TM9SF2: variants seen among roughly 807,000 people sequenced by gnomAD.
TM9SF2 encodes 76 kDa membrane protein.
Under a neutral mutation model 84.9 loss-of-function variants are expected in TM9SF2, and 13 were observed. That is an observed-to-expected ratio of 0.15 (90% CI 0.10 to 0.24). The LOEUF is 0.24. Ranked by LOEUF, TM9SF2 falls within the 10% of genes least tolerant of loss-of-function variation. TM9SF2 has a pLI of 1.00. For synonymous variants in TM9SF2, 273 were observed against 285.8 expected (o/e 0.96, Z 0.45); for missense variants, 562 against 818.5 (o/e 0.69, Z 3.82).
At chr13:99,531,878 CTTATTG>C (rs2046211520) in intron 4 of TM9SF2, among the ~76,000 whole-genome samples, 1 of 152,026 alleles carries the variant, frequency 6.6e-6, no homozygotes, top group Admixed American at 6.5e-5. Context: ...GATATGTTTA[CTTATTG>C]TTAAGTAATT....
At chr13:99,505,778 G>A (rs2046086339) in intron 1 of TM9SF2, among the ~76,000 whole-genome samples, 1 of 152,194 alleles carries the variant, frequency 6.6e-6, no homozygotes, top group Non-Finnish European at 1.5e-5. Flanking sequence ...AGTGTGCCGA[G>A]TGGCATTCTG....
chr13:99,529,361 C>A, intron 3 of TM9SF2, 106 bp from the exon 4 acceptor site: 2 of 954,320 alleles, frequency 2.1e-6, no homozygotes, highest in East Asian at 3.0e-5. Flanking sequence ...AATATTAATG[C>A]ACTTAAGTAA....
At chr13:99,552,417 G>A (rs1163422923) in intron 13 of TM9SF2, 91 bp downstream of exon 13, 1 of 1,269,200 alleles carries the variant, frequency 7.9e-7, no homozygotes, top group Non-Finnish European at 1.1e-6. Context: ...AGTGTGTAAA[G>A]ATGTAAACTT....
At chr13:99,540,885 T>C in intron 8 of TM9SF2, 92 bp downstream of exon 8, 3 of 1,165,918 alleles carry the variant, frequency 2.6e-6, no homozygotes, top group Non-Finnish European at 3.7e-6. Flanking sequence ...CTCTCTACTT[T>C]ATTCAAAAGT....
intron 1 of TM9SF2, among the ~76,000 whole-genome samples, chr13:99,517,120 T>TA (rs1555339638): frequency 1.3e-5 from 2 of 152,116 alleles, no homozygotes; most frequent in Non-Finnish European, 2.9e-5. Flanking sequence ...ATTAATTATT[T>TA]AAAAAAATTT....
rs1266729597 is a variant in TM9SF2, at chr13:99,550,297, C to G, written c.1328+1075C>G. Among the ~76,000 whole-genome samples the G allele has an allele frequency of 2.6e-5, 4 of 152,098 alleles. No homozygotes were observed. The South Asian group carries it at 8.3e-4, about 32-fold the overall frequency. ...AATGCCTTGAAAAAAATAGTCTCTA[C>G]TCCTTTCTTCTCATTTTCTCAGTAA... is the stretch of plus-strand genomic sequence containing the variant. On this transcript the variant is annotated intron_variant, in intron 12 of 16. Coordinates refer to ENST00000376387, the MANE Select transcript of TM9SF2 (RefSeq NM_004800.3).
intron 1 of TM9SF2, among the ~76,000 whole-genome samples, chr13:99,505,376 C>T (rs2046084712): frequency 6.6e-6 from 1 of 152,204 alleles, no homozygotes; most frequent in East Asian, 1.9e-4. Context: ...TTGTCTCGAA[C>T]TCCTGAGCTC....
At chr13:99,552,779 T>A (rs936102652) in intron 13 of TM9SF2, among the ~76,000 whole-genome samples, 2 of 152,200 alleles carry the variant, frequency 1.3e-5, no homozygotes, top group Non-Finnish European at 2.9e-5. Flanking sequence ...AATTTTTGTA[T>A]TTTTAGTGGA....
intron 16 of TM9SF2, 135 bp from the exon 17 acceptor site, chr13:99,562,556 G>GTAGTATA: frequency 1.4e-6 from 1 of 696,850 alleles, no homozygotes; most frequent in African/African-American, 1.8e-5. Context: ...TCATAGATCT[G>GTAGTATA]TAGTATATTC....
intron 4 of TM9SF2, among the ~76,000 whole-genome samples, chr13:99,529,872 C>T (rs1400773782): frequency 6.6e-6 from 1 of 152,086 alleles, no homozygotes; most frequent in Non-Finnish European, 1.5e-5. Context: ...TATTCACATA[C>T]AGGCATACCT....
At chr13:99,519,883 G>A (rs1249832233) in intron 2 of TM9SF2, among the ~76,000 whole-genome samples, 153 bp from the exon 3 acceptor site, 1 of 152,168 alleles carries the variant, frequency 6.6e-6, no homozygotes, top group Non-Finnish European at 1.5e-5. Context: ...GAGGAGAGAT[G>A]TGGTACATAG....
At chr13:99,534,507 A>C (rs910944990) in intron 4 of TM9SF2, among the ~76,000 whole-genome samples, 1 of 152,252 alleles carries the variant, frequency 6.6e-6, no homozygotes, top group African/African-American at 2.4e-5. Context: ...AAAAATGCCA[A>C]CTTGTTAAAT....
chr13:99,554,349 C>T lies in TM9SF2; in HGVS notation c.1534C>T (p.Pro512Ser). Reference sequence around the variant, plus strand: ...AACCAATCAGATTCCACGTCAGATTCCTGAACAGTCGTTCTACACGAAGCC... The same window carrying T: ...AACCAATCAGATTCCACGTCAGATTTCTGAACAGTCGTTCTACACGAAGCC... ...VRTNQIPRQI[P>S]EQSFYTKPLP... Residue 512 changes from proline (P) to serine (S), a missense_variant, in exon 14 of 17, where the codon CCT (proline) becomes TCT (serine). This residue lies in a region of TM9SF2 where 219 missense variants were observed against 338.1 expected (regional missense o/e 0.65). Coordinates refer to ENST00000376387, the MANE Select transcript of TM9SF2 (RefSeq NM_004800.3). 1 of 1,614,064 alleles carries T rather than the reference C, an allele frequency of 6.2e-7. No individual in the cohort carries two copies. The highest frequency in any genetic ancestry group is 1.3e-5 in the African/African-American group (1 of 75,008).
At chr13:99,530,862 A>ATTT (rs879431434) in intron 4 of TM9SF2, among the ~76,000 whole-genome samples, 1 of 144,960 alleles carries the variant, frequency 6.9e-6, no homozygotes, top group Non-Finnish European at 1.5e-5. Flanking sequence ...CAAACATAGA[A>ATTT]TTTTTTTTTT....
intron 13 of TM9SF2, among the ~76,000 whole-genome samples, chr13:99,553,212 C>T (rs2046312902): frequency 6.6e-6 from 1 of 152,228 alleles, no homozygotes; most frequent in Admixed American, 6.5e-5. Context: ...CTGAAAATAT[C>T]AAGTCCACAG....
At chr13:99,511,176 G>C (rs571589553) in intron 1 of TM9SF2, among the ~76,000 whole-genome samples, 1 of 152,190 alleles carries the variant, frequency 6.6e-6, no homozygotes, top group South Asian at 2.1e-4. Context: ...AATTGTGACA[G>C]TTTTCAAAAT....
intron 4 of TM9SF2, among the ~76,000 whole-genome samples, chr13:99,535,720 A>G (rs957454852): frequency 6.6e-6 from 1 of 152,226 alleles, no homozygotes; most frequent in Admixed American, 6.5e-5. Flanking sequence ...TAATTAACAA[A>G]TAAAACATGC....
Position 99,547,103 on chromosome 13 carries a change from G to A in TM9SF2, c.1269G>A (p.Lys423=). Residue 423 remains lysine (K), a splice_region_variant and synonymous_variant, in exon 11 of 17, where the codon AAG becomes AAA. Coordinates refer to ENST00000376387, the MANE Select transcript of TM9SF2 (RefSeq NM_004800.3). ...GCTATGTTGCTGCCAGATTCTATAA[G>A]TGTAAGTCAAAGCCACTGTGACTGG... The part of the protein sequence containing the change: ...PAGYVAARFY[K]SFGGEKWKTN... The A allele has an allele frequency of 6.2e-7, 1 of 1,614,058 alleles. No individual in the cohort carries two copies. The highest frequency in any genetic ancestry group is 8.5e-7 in the Non-Finnish European group (1 of 1,179,956).
Position 99,562,756 on chromosome 13 carries a change from TGAA to T in TM9SF2, c.*3_*5del. 7 of 1,613,342 alleles carry T rather than the reference TGAA, an allele frequency of 4.3e-6. No homozygotes were observed. The highest frequency in any genetic ancestry group is 5.1e-6 in the Non-Finnish European group (6 of 1,179,636). On this transcript the variant is annotated stop_retained_variant and 3_prime_UTR_variant, in exon 17 of 17. Transcript: ENST00000376387. Reference sequence around the variant, plus strand: ...AATATACAGTGTGGTGAAGGTTGACTGAAGAAGTCCAGTGTGTCCAGTTAAAAC... The same window carrying T: ...AATATACAGTGTGGTGAAGGTTGACTGAAGTCCAGTGTGTCCAGTTAAAAC...
Sources: allele counts gnomAD v4.1 joint callset (sites outside exome capture counted in the v4.1 genomes callset), GRCh38; gene constraint gnomAD v4.1.1; regional missense constraint gnomAD v4.1.1; transcripts MANE v1.5; gene names NCBI Gene and HGNC (gene_info 2026-07-23, HGNC 2026-07-21).